COLGALT2: variants seen among roughly 807,000 people sequenced by gnomAD.
COLGALT2 encodes procollagen galactosyltransferase 2.
Under a neutral mutation model 73.4 loss-of-function variants are expected in COLGALT2, and 49 were observed. The observed-to-expected ratio is 0.67, with a 90% CI of 0.53 to 0.85. The LOEUF is 0.85. Among genes scored for constraint, COLGALT2 ranks in the 40% least tolerant of loss-of-function variants. The pLI is 0.00. For missense variants in COLGALT2, 722 were observed against 790.2 expected, an observed-to-expected ratio of 0.91 and a Z score of 1.03; for synonymous variants, 295 against 307.6, an observed-to-expected ratio of 0.96 and a Z score of 0.43.
intron 1 of COLGALT2, among the ~76,000 whole-genome samples, chr1:184,006,602 AAAT>A (rs10691791): frequency 9.4e-5 from 14 of 148,230 alleles, no homozygotes; most frequent in South Asian, 4.3e-4. Flanking sequence ...AATAAAAATA[AAAT>A]AATAATAATA....
intron 10 of COLGALT2, among the ~76,000 whole-genome samples, chr1:183,942,593 C>T (rs1385500448): frequency 6.6e-6 from 1 of 152,014 alleles, no homozygotes; most frequent in East Asian, 1.9e-4. Context: ...ATTTTCTTTT[C>T]CTGGAAAGAT....
At chr1:184,012,967 C>A (rs1459189605) in intron 1 of COLGALT2, among the ~76,000 whole-genome samples, 1 of 152,192 alleles carries the variant, frequency 6.6e-6, no homozygotes, top group East Asian at 1.9e-4. Context: ...CCTCAAGAAG[C>A]TGAGCCTAGG....
Position 183,936,128 on chromosome 1 carries a change from G to C in COLGALT2, c.*2633C>G. 2.0e-6 allele frequency: 2 copies of C among 985,712 alleles called. No homozygotes were observed. Among genetic ancestry groups the C allele is most frequent in the Non-Finnish European group, 2.4e-6 (2 of 830,176 alleles). 61.1% of individuals were successfully genotyped at this position (985,712 alleles called of 1,614,324 possible). ...AGATCCCAAGAGAAATCCAGACAGGGTTTAGCCTCCAGAGGCAGAGAGCGG... is the reference window on the plus strand; with the variant it reads ...AGATCCCAAGAGAAATCCAGACAGGCTTTAGCCTCCAGAGGCAGAGAGCGG... On this transcript the variant is annotated 3_prime_UTR_variant, in exon 12 of 12. Transcript: ENST00000361927.
intron 6 of COLGALT2, among the ~76,000 whole-genome samples, chr1:183,955,113 G>C (rs1670516908): frequency 6.6e-6 from 1 of 152,194 alleles, no homozygotes; most frequent in South Asian, 2.1e-4. Context: ...TTAGGATAAT[G>C]GTTAAGAGGA....
rs1299748789 is a variant in COLGALT2 at position 183,938,953 on chromosome 1, T to G, written c.1689A>C (p.Thr563=). 4 of 1,614,118 alleles carry G rather than the reference T, an allele frequency of 2.5e-6. No individual in the cohort carries two copies. The Admixed American group carries it at 5.0e-5, about 20-fold the overall frequency. The part of the protein sequence containing the change: ...EPLLIYPTHY[T]GQPGYLSDTE... Reference sequence around the variant, plus strand: ...TGTCACTCAGGTACCCCGGCTGGCCTGTGTAGTGCGTAGGGTAGATGAGCA... The same window carrying G: ...TGTCACTCAGGTACCCCGGCTGGCCGGTGTAGTGCGTAGGGTAGATGAGCA... The change falls in exon 12 of 12, where the codon ACA becomes ACC. Residue 563 remains threonine, a synonymous_variant. Transcript: ENST00000361927.
Position 183,965,522 on chromosome 1 carries a change from C to T in COLGALT2, c.833-1502G>A, listed in dbSNP as rs1283665349. Among the ~76,000 whole-genome samples, 3 of 152,176 alleles carry T rather than the reference C, an allele frequency of 2.0e-5. No homozygotes were observed. The East Asian group carries it at 5.8e-4, about 29-fold the overall frequency. On this transcript the variant is annotated intron_variant, in intron 5 of 11. Transcript: ENST00000361927. ...GGAAGAAGAGGAGGACGATTATAAC[C>T]AACAAGAAAGATTATAAACAACATG...
At chr1:183,931,928 G>A (rs1011118601), downstream of COLGALT2, among the ~76,000 whole-genome samples, 2 of 151,270 alleles carry the variant, frequency 1.3e-5, no homozygotes, top group Admixed American at 6.6e-5. Context: ...GAGACTGTTA[G>A]CTTGCCCTTT....
intron 7 of COLGALT2, among the ~76,000 whole-genome samples, chr1:183,952,020 T>G (rs533403597): frequency 1.3e-5 from 2 of 152,108 alleles, no homozygotes; most frequent in Non-Finnish European, 2.9e-5. Flanking sequence ...TGGAACAGAA[T>G]AGAGAACCAG....
At chr1:183,942,840 T>G (rs1020526838) in intron 10 of COLGALT2, among the ~76,000 whole-genome samples, 1 of 152,244 alleles carries the variant, frequency 6.6e-6, no homozygotes, top group Non-Finnish European at 1.5e-5. Flanking sequence ...CTGTCGGTAC[T>G]TTGTCCTGAG....
At chr1:184,035,224 A>G (rs1354132276) in intron 1 of COLGALT2, among the ~76,000 whole-genome samples, 1 of 152,184 alleles carries the variant, frequency 6.6e-6, no homozygotes, top group Admixed American at 6.5e-5. Flanking sequence ...ATATTGCAAA[A>G]TCTATGGAAT....
chr1:184,021,032 C>T (rs1365255474), intron 1 of COLGALT2, among the ~76,000 whole-genome samples: 1 of 152,072 alleles, frequency 6.6e-6, no homozygotes, highest in African/African-American at 2.4e-5. Flanking sequence ...TGAGAAGTCA[C>T]AGGATCTCAC....
chr1:183,940,743 G>A lies in COLGALT2; in HGVS notation c.1442C>T (p.Ala481Val). 6.2e-7 allele frequency: 1 copy of A among 1,614,232 alleles called. No individual in the cohort carries two copies. Among genetic ancestry groups the A allele is most frequent in the Non-Finnish European group, 8.5e-7 (1 of 1,180,032 alleles). Reference sequence around the variant, plus strand: ...GACCAGGTTTGCCACATTGGGCACTGCTTTCTCTGGCTCCTTTACTTGCAT... The same window carrying A: ...GACCAGGTTTGCCACATTGGGCACTACTTTCTCTGGCTCCTTTACTTGCAT... Reference protein sequence around the residue: ...KRMQVKEPEKAVPNVANLVEA... With the variant: ...KRMQVKEPEKVVPNVANLVEA... Residue 481 changes from alanine (A) to valine (V), a missense_variant, in exon 11 of 12, where the codon GCA becomes GTA. Transcript: ENST00000361927.
intron 6 of COLGALT2, among the ~76,000 whole-genome samples, chr1:183,962,031 TATG>T (rs1670716245): frequency 6.6e-6 from 1 of 151,868 alleles, no homozygotes; most frequent in Non-Finnish European, 1.5e-5. Context: ...CTGAGACTAA[TATG>T]ATGAAAAAGG....
At chr1:184,036,604 G>A (rs1234215853) in intron 1 of COLGALT2, among the ~76,000 whole-genome samples, 1 of 152,178 alleles carries the variant, frequency 6.6e-6, no homozygotes, top group Non-Finnish European at 1.5e-5. Context: ...AGTCAGAGCA[G>A]CGCACTGCGG....
At chr1:184,014,116 T>G (rs1035958514) in intron 1 of COLGALT2, among the ~76,000 whole-genome samples, 1 of 151,796 alleles carries the variant, frequency 6.6e-6, no homozygotes, top group Admixed American at 6.6e-5. Flanking sequence ...GAATAGAGAG[T>G]TGGGAGTCAT....
chr1:184,015,797 G>A (rs993516377), intron 1 of COLGALT2, among the ~76,000 whole-genome samples: 1 of 152,212 alleles, frequency 6.6e-6, no homozygotes, highest in African/African-American at 2.4e-5. Context: ...ACCTTGTGGT[G>A]TAGAGAATTT....
At chr1:183,965,152 G>A (rs1264975411) in intron 5 of COLGALT2, among the ~76,000 whole-genome samples, 3 of 152,116 alleles carry the variant, frequency 2.0e-5, no homozygotes, top group South Asian at 2.1e-4. Flanking sequence ...TGCCTTCACC[G>A]AGCAAACTCA....
chr1:183,937,251 G>A lies in COLGALT2; in HGVS notation c.*1510C>T, dbSNP rs527345678. On this transcript the variant is annotated 3_prime_UTR_variant, in exon 12 of 12. Coordinates refer to ENST00000361927, the MANE Select transcript of COLGALT2 (RefSeq NM_015101.4). The stretch of plus-strand genomic sequence containing the variant: ...GGCTGCATGGTGCATGGACAGTGAT[G>A]AGGAACGGTGCTGGTATGGGATGCC... The A allele has an allele frequency of 5.7e-4, 679 of 1,184,336 alleles. 2 individuals carry two copies. In the African/African-American group the frequency reaches 0.01, roughly 18 times the overall value. The allele number at this position is 1,184,336 out of a possible 1,614,324, so 73.4% of individuals were successfully genotyped here. A position where few individuals can be genotyped will look rare whatever the true frequency, so the allele number is the denominator to read the frequency against.
intron 6 of COLGALT2, among the ~76,000 whole-genome samples, chr1:183,961,335 G>A (rs74130428): frequency 0.013 from 2,050 of 152,048 alleles, 41 homozygotes; most frequent in African/African-American, 0.046. Context: ...TTGATGACAC[G>A]TGCATTTCTG....
Sources: gnomAD v4.1 joint callset for allele counts (sites outside exome capture counted in the v4.1 genomes callset) on GRCh38, gnomAD v4.1.1 for gene constraint, MANE v1.5 for transcripts, NCBI Gene and HGNC (gene_info 2026-07-23, HGNC 2026-07-21) for gene names.